Variants in TYRP1 observed in about 807,000 individuals in gnomAD.
TYRP1 encodes the protein 5,6-dihydroxyindole-2-carboxylic acid oxidase.
Under a neutral mutation model 42.8 loss-of-function variants are expected in TYRP1, and 49 were observed. That is an observed-to-expected ratio of 1.14 (90% CI 0.91 to 1.45). TYRP1 has a LOEUF of 1.45. Ranked by LOEUF, TYRP1 falls within the 40% of genes most tolerant of loss-of-function variation. The pLI is 0.00. For missense variants in TYRP1, 848 were observed against 662.0 expected (o/e 1.28, Z -3.08); for synonymous variants, 279 against 235.4 (o/e 1.19, Z -1.69).
intron 4 of TYRP1, 88 bp from the exon 5 acceptor site, chr9:12,702,183 T>C: frequency 7.3e-7 from 1 of 1,377,666 alleles, no homozygotes. Flanking sequence ...CTATATTTCA[T>C]ATTCATGCTA....
In TYRP1 at chr9:12,695,639, G is replaced by A; in HGVS notation, c.510G>A (p.Leu170=). The change falls in exon 3 of 8, where the codon CTG becomes CTA. Residue 170 remains leucine, a synonymous_variant. Transcript: ENST00000388918. The part of the protein sequence containing the change: ...VIATRRSEEI[L]GPDGNTPQFE... ...CCACCAGGAGATCAGAAGAAATACT[G>A]GGGCCAGATGGCAACACGCCACAAT... is the stretch of plus-strand genomic sequence containing the variant. The A allele has an allele frequency of 3.1e-6, 5 of 1,614,124 alleles. No individual in the cohort carries two copies. The highest frequency in any genetic ancestry group is 4.2e-6 in the Non-Finnish European group (5 of 1,180,022).
chr9:12,693,537 A>G (rs149061651), intron 1 of TYRP1, 59 bp downstream of exon 1: 302 of 185,270 alleles, frequency 1.6e-3, no homozygotes, highest in African/African-American at 6.8e-3. Context: ...CCATTAGTGT[A>G]AGGGACTTTA....
chr9:12,697,075 T>G (rs1006431664), intron 3 of TYRP1, among the ~76,000 whole-genome samples: 1 of 152,180 alleles, frequency 6.6e-6, no homozygotes, highest in Admixed American at 6.5e-5. Flanking sequence ...CTGAACGTCA[T>G]ATTTTATAGC....
intron 3 of TYRP1, 142 bp from the exon 4 acceptor site, chr9:12,698,309 C>G: frequency 1.3e-6 from 1 of 794,294 alleles, no homozygotes; most frequent in South Asian, 1.5e-5. Flanking sequence ...TCCTCTGGGC[C>G]CCTCAGACAC....
At chr9:12,696,469 C>G (rs1176080888) in intron 3 of TYRP1, among the ~76,000 whole-genome samples, 2 of 151,972 alleles carry the variant, frequency 1.3e-5, no homozygotes, top group Non-Finnish European at 2.9e-5. Flanking sequence ...AATCACTTTA[C>G]TATGTATATT....
chr9:12,702,176 T>C (rs531754540), intron 4 of TYRP1, 95 bp from the exon 5 acceptor site: 1 of 1,309,460 alleles, frequency 7.6e-7, no homozygotes, highest in South Asian at 1.3e-5. Flanking sequence ...GGAAAACCTA[T>C]ATTTCATATT....
chr9:12,709,515 A>AAAT lies in TYRP1; in HGVS notation c.*337_*339dup, dbSNP rs1818322523. Reference sequence around the variant, plus strand: ...CCATGCTTTGTTTACGTGTAAAGGAAAATAATGTTTGATAGTAAATGTCCA... The same window carrying AAAT: ...CCATGCTTTGTTTACGTGTAAAGGAAAATAATAATGTTTGATAGTAAATGTCCA... On this transcript the variant is annotated 3_prime_UTR_variant, in exon 8 of 8. Coordinates refer to ENST00000388918, the MANE Select transcript of TYRP1 (RefSeq NM_000550.3). The AAAT allele has an allele frequency of 3.7e-6, 1 of 270,314 alleles. No individual in the cohort carries two copies. Among genetic ancestry groups the AAAT allele is most frequent in the Non-Finnish European group, 7.2e-6 (1 of 138,884 alleles). 16.7% of individuals were successfully genotyped at this position (270,314 alleles called of 1,614,324 possible).
chr9:12,708,894 C>A, intron 7 of TYRP1, 83 bp from the exon 8 acceptor site: 1 of 1,241,380 alleles, frequency 8.1e-7, no homozygotes, highest in Non-Finnish European at 1.2e-6. Flanking sequence ...TTAAAATAGA[C>A]ATTTCTAAAT....
intron 6 of TYRP1, 41 bp downstream of exon 6, chr9:12,704,746 G>A (rs376328734): frequency 6.6e-5 from 105 of 1,590,058 alleles, no homozygotes; most frequent in African/African-American, 6.4e-4. Context: ...TCAGCTGGGC[G>A]GATTGTTTAG....
At chr9:12,708,187 C>T (rs775507532) in intron 7 of TYRP1, 44 bp downstream of exon 7, 1 of 1,605,850 alleles carries the variant, frequency 6.2e-7, no homozygotes, top group Non-Finnish European at 8.5e-7. Flanking sequence ...TTTCCAAAAG[C>T]AAATGTGTTA....
intron 3 of TYRP1, 94 bp from the exon 4 acceptor site, chr9:12,698,357 A>G (rs1818110216): frequency 8.2e-7 from 1 of 1,214,960 alleles, no homozygotes; most frequent in Non-Finnish European, 1.2e-6. Context: ...GTCTGAAGAG[A>G]GCTAATAGAA....
chr9:12,700,051 G>C (rs919863343), intron 4 of TYRP1: 1 of 152,034 alleles, frequency 6.6e-6, no homozygotes, highest in African/African-American at 2.4e-5. Flanking sequence ...ATTATCCCTT[G>C]TCTCACTGCA....
intron 5 of TYRP1, 150 bp from the exon 6 acceptor site, chr9:12,704,376 T>C (rs2118257801): frequency 2.7e-6 from 2 of 745,090 alleles, no homozygotes; most frequent in South Asian, 3.1e-5. Context: ...TCATCAACCA[T>C]AGGTACAGAG....
chr9:12,703,100 T>C (rs1209006397), intron 5 of TYRP1, among the ~76,000 whole-genome samples: 7 of 152,004 alleles, frequency 4.6e-5, no homozygotes, highest in Admixed American at 6.6e-5. Context: ...TGTCTTTGTA[T>C]AATAAATTTT....
At chr9:12,704,489 A>C in intron 5 of TYRP1, 37 bp from the exon 6 acceptor site, 1 of 1,597,284 alleles carries the variant, frequency 6.3e-7, no homozygotes, top group Non-Finnish European at 8.5e-7. Context: ...AAATATTTGC[A>C]ATAGTTTTAC....
chr9:12,704,507 C>T lies in TYRP1; in HGVS notation c.1082-19C>T, dbSNP rs1818225576. 6.2e-7 allele frequency: 1 copy of T among 1,607,762 alleles called. No individual in the cohort carries two copies. Reference sequence around the variant, plus strand: ...TATTTGCAATAGTTTTACTATTCTCCTCCTTACCATGTGTCTAGGTTACAG... The same window carrying T: ...TATTTGCAATAGTTTTACTATTCTCTTCCTTACCATGTGTCTAGGTTACAG... On this transcript the variant is annotated intron_variant, in intron 5 of 7. Transcript: ENST00000388918.
intron 6 of TYRP1, among the ~76,000 whole-genome samples, chr9:12,705,612 C>T (rs1034401014): frequency 6.6e-6 from 1 of 151,896 alleles, no homozygotes; most frequent in African/African-American, 2.4e-5. Context: ...TTTGGGAAGC[C>T]GAGATGTGGG....
chr9:12,704,569 T>A lies in TYRP1; in HGVS notation c.1125T>A (p.Ser375Arg), dbSNP rs754797648. ...PTGKYDPAVR[S>R]LHNLAHLFLN... is the part of the protein sequence containing the mutation. ...GAAAGTATGACCCTGCTGTTCGAAG[T>A]CTTCACAATTTGGCTCATCTATTCC... The change falls in exon 6 of 8, where the codon AGT becomes AGA. Residue 375 changes from serine (S) to arginine (R), a missense_variant. By Grantham distance (110) the Ser-to-Arg change is moderately radical (BLOSUM62 -1). Coordinates refer to ENST00000388918, the MANE Select transcript of TYRP1 (RefSeq NM_000550.3). 6.2e-7 allele frequency: 1 copy of A among 1,613,076 alleles called. No individual in the cohort carries two copies. The highest frequency in any genetic ancestry group is 1.1e-5 in the South Asian group (1 of 91,070).
chr9:12,696,553 A>T (rs554878889), intron 3 of TYRP1, among the ~76,000 whole-genome samples: 47 of 152,298 alleles, frequency 3.1e-4, no homozygotes, highest in African/African-American at 1.1e-3. Context: ...CAAAATAATT[A>T]TATCAGTCAG....
Sources: gnomAD v4.1 joint callset for allele counts (sites outside exome capture counted in the v4.1 genomes callset) on GRCh38, gnomAD v4.1.1 for gene constraint, MANE v1.5 for transcripts, NCBI Gene and HGNC (gene_info 2026-07-23, HGNC 2026-07-21) for gene names.